SEMG1: variants seen among roughly 807,000 people sequenced by gnomAD.
SEMG1 encodes semenogelin-1.
A neutral mutation model predicts 8.8 loss-of-function variants in SEMG1; 6 were observed. The observed-to-expected ratio is 0.68, with a 90% CI of 0.37 to 1.35. The LOEUF (loss-of-function observed/expected upper bound fraction) is 1.35, where lower values mean the gene tolerates loss of function less well. Ranked by LOEUF, SEMG1 falls within the 40% of genes most tolerant of loss-of-function variation. The pLI is 0.02. For missense variants in SEMG1, 580 were observed against 533.6 expected, an observed-to-expected ratio of 1.09 and a Z score of -0.86; for synonymous variants, 221 against 190.3, an observed-to-expected ratio of 1.16 and a Z score of -1.33.
chr20:45,208,665 C>G lies in SEMG1; in HGVS notation c.1368C>G (p.Asp456Glu), dbSNP rs778909642. 8.7e-6 allele frequency: 14 copies of G among 1,608,066 alleles called. No individual in the cohort carries two copies. The highest frequency in any genetic ancestry group is 4.0e-5 in the African/African-American group (3 of 74,672). ...DRHLAQHLNN[D>E]RNPLFT The stretch of plus-strand genomic sequence containing the variant: ...ATTTGGCACAACATCTTAACAACGA[C>G]CGAAACCCATTATTTACATAAACCT... The change falls in exon 2 of 3, where the codon GAC becomes GAG. Residue 456 changes from aspartate (D) to glutamate (E), a missense_variant. Physicochemically the swap from Asp to Glu is conservative, Grantham distance 45 (BLOSUM62 2). Transcript: ENST00000372781.
At position 45,208,709 on chromosome 20, in the gene SEMG1, G is replaced by C. The variant is rs1271298552; in HGVS notation, c.*23G>C. On this transcript the variant is annotated 3_prime_UTR_variant, in exon 2 of 3. Transcript: ENST00000372781. ...TAAACCTACCATTCGGTAACCATGT[G>C]AAAGGATGGACCAATATCAAGGTAA... 7.3e-6 allele frequency: 11 copies of C among 1,516,018 alleles called. No homozygotes were observed. Among genetic ancestry groups the C allele is most frequent in the Non-Finnish European group, 9.9e-6 (11 of 1,108,936 alleles). The allele number at this position is 1,516,018 out of a possible 1,614,324, so 93.9% of individuals were successfully genotyped here.
rs1037751955 is a variant in SEMG1, at chr20:45,208,312, C to A, written c.1015C>A (p.His339Asn). The change falls in exon 2 of 3, where the codon CAT (histidine) becomes AAT (asparagine). Residue 339 changes from histidine (H) to asparagine (N), a missense_variant. Coordinates refer to ENST00000372781, the MANE Select transcript of SEMG1 (RefSeq NM_003007.5). ...AACAATTCCCAGTCAAGAGCAAGAG[C>A]ATAGCCAAAAGGCAAATAAAATATC... ...QITIPSQEQEHSQKANKISYQ... is the reference protein window; with the variant it reads ...QITIPSQEQENSQKANKISYQ... 6.2e-7 allele frequency: 1 copy of A among 1,610,822 alleles called. No individual in the cohort carries two copies. Among genetic ancestry groups the A allele is most frequent in the African/African-American group, 1.3e-5 (1 of 74,666 alleles).
intron 1 of SEMG1, 73 bp from the exon 2 acceptor site, chr20:45,207,301 A>G: frequency 6.9e-7 from 1 of 1,443,922 alleles, no homozygotes; most frequent in Non-Finnish European, 9.4e-7. Context: ...TTGTTGGGGG[A>G]AAAGTGGGGG....
In SEMG1 at chr20:45,208,444, G is replaced by T; in HGVS notation, c.1147G>T (p.Ala383Ser). 3.1e-6 allele frequency: 5 copies of T among 1,613,990 alleles called. No homozygotes were observed. Among genetic ancestry groups the T allele is most frequent in the Non-Finnish European group, 4.2e-6 (5 of 1,179,954 alleles). The change falls in exon 2 of 3, where the codon GCA (alanine) becomes TCA (serine). Residue 383 changes from alanine (A) to serine (S), a missense_variant. Physicochemically the swap from Ala to Ser is moderately conservative, Grantham distance 99 (BLOSUM62 1). Transcript: ENST00000372781. ...TTATAGCCAAACTGAAAAGCTAGTA[G>T]CAGGCAAGTCTCAAATCCAGGCACC... ...SIYSQTEKLV[A>S]GKSQIQAPNP...
intron 2 of SEMG1, 37 bp from the exon 3 acceptor site, chr20:45,209,564 C>G (rs1983797818): frequency 6.6e-6 from 1 of 152,230 alleles, no homozygotes; most frequent in Non-Finnish European, 1.5e-5. Context: ...TCACTTTTTA[C>G]TATACTCACA....
chr20:45,207,500 C>T lies in SEMG1; in HGVS notation c.203C>T (p.Thr68Ile). The T allele has an allele frequency of 6.2e-7, 1 of 1,613,832 alleles. No individual in the cohort carries two copies. The highest frequency in any genetic ancestry group is 8.5e-7 in the Non-Finnish European group (1 of 1,179,792). ...ESKGSFSIQY[T>I]YHVDANDHDQ... ...AAAGGCAGTTTTTCTATTCAATACACATATCATGTAGATGCCAATGATCAT... is the reference window on the plus strand; with the variant it reads ...AAAGGCAGTTTTTCTATTCAATACATATATCATGTAGATGCCAATGATCAT... The change falls in exon 2 of 3, where the codon ACA becomes ATA. Residue 68 changes from threonine to isoleucine, a missense_variant. Physicochemically the swap from Thr to Ile is moderately conservative, Grantham distance 89. Transcript: ENST00000372781.
At position 45,208,207 on chromosome 20, in the gene SEMG1, G is replaced by A; in HGVS notation, c.910G>A (p.Gly304Ser). ...EERRLHYGEN[G>S]VQKDVSQSSI... Reference sequence around the variant, plus strand: ...AAGACGACTCCACTATGGAGAAAATGGTGTGCAGAAAGATGTATCCCAAAG... The same window carrying A: ...AAGACGACTCCACTATGGAGAAAATAGTGTGCAGAAAGATGTATCCCAAAG... Residue 304 changes from glycine to serine, a missense_variant, in exon 2 of 3, where the codon GGT becomes AGT. By Grantham distance (56) the Gly-to-Ser change is moderately conservative. Transcript: ENST00000372781. 7 of 1,613,326 alleles carry A rather than the reference G, an allele frequency of 4.3e-6. No individual in the cohort carries two copies. Among genetic ancestry groups the A allele is most frequent in the Non-Finnish European group, 5.9e-6 (7 of 1,179,634 alleles).
In SEMG1 at chr20:45,207,977, G is replaced by A; in HGVS notation, c.680G>A (p.Arg227Lys). The change falls in exon 2 of 3, where the codon AGA (arginine) becomes AAA (lysine). Residue 227 changes from arginine to lysine, a missense_variant. Arg to Lys is a conservative substitution (Grantham distance 26, BLOSUM62 2). Transcript: ENST00000372781. ...CATTACCAAAATGTGGTTGAAGTGA[G>A]AGAGGAACATTCAAGTAAAGTACAA... Reference protein sequence around the residue: ...KGHYQNVVEVREEHSSKVQTS... With the variant: ...KGHYQNVVEVKEEHSSKVQTS... 6.2e-7 allele frequency: 1 copy of A among 1,614,014 alleles called. No homozygotes were observed. The highest frequency in any genetic ancestry group is 8.5e-7 in the Non-Finnish European group (1 of 1,179,966).
In SEMG1 at chr20:45,207,601, G is replaced by A; in HGVS notation, c.304G>A (p.Gly102Arg). The A allele has an allele frequency of 6.2e-7, 1 of 1,613,532 alleles. No individual in the cohort carries two copies. The highest frequency in any genetic ancestry group is 8.5e-7 in the Non-Finnish European group (1 of 1,179,754). ...GACAAAATCACAACGACATCTAGGTGGAAGTCAACAACTGCTCCATAATAA... is the reference window on the plus strand; with the variant it reads ...GACAAAATCACAACGACATCTAGGTAGAAGTCAACAACTGCTCCATAATAA... ...KTTKSQRHLG[G>R]SQQLLHNKQE... is the part of the protein sequence containing the mutation. The change falls in exon 2 of 3, where the codon GGA (glycine) becomes AGA (arginine). Residue 102 changes from glycine to arginine, a missense_variant. Physicochemically the swap from Gly to Arg is moderately radical, Grantham distance 125. Coordinates refer to ENST00000372781, the MANE Select transcript of SEMG1 (RefSeq NM_003007.5).
In SEMG1 at chr20:45,207,819, A is replaced by G; in HGVS notation, c.522A>G (p.Glu174=). 6.2e-7 allele frequency: 1 copy of G among 1,614,056 alleles called. No homozygotes were observed. Among genetic ancestry groups the G allele is most frequent in the South Asian group, 1.1e-5 (1 of 91,072 alleles). Residue 174 remains glutamate, a synonymous_variant, in exon 2 of 3, where the codon GAA becomes GAG. Coordinates refer to ENST00000372781, the MANE Select transcript of SEMG1 (RefSeq NM_003007.5). ...TGTGGGTTCATGGACTAAGTAAAGA[A>G]CAAACTTCCGTCTCTGGTGCACAAA... The part of the protein sequence containing the change: ...ERLWVHGLSK[E]QTSVSGAQKG...
In SEMG1 at chr20:45,207,875, GT is replaced by G. The variant is rs1404263304; in HGVS notation, c.580del (p.Tyr194MetfsTer8). 1.1e-5 allele frequency: 17 copies of G among 1,613,908 alleles called. No individual in the cohort carries two copies. The highest frequency in any genetic ancestry group is 1.4e-5 in the Non-Finnish European group (17 of 1,179,972). ...KGRKQGGSQS[S>X]YVLQTEELVA... Reference sequence around the variant, plus strand: ...AGAAAACAAGGCGGATCCCAAAGCAGTTATGTTCTCCAAACTGAAGAGCTAG... The same window carrying G: ...AGAAAACAAGGCGGATCCCAAAGCAGTATGTTCTCCAAACTGAAGAGCTAG... On this transcript the variant is annotated frameshift_variant, in exon 2 of 3. Coordinates refer to ENST00000372781, the MANE Select transcript of SEMG1 (RefSeq NM_003007.5). LOFTEE classifies it low-confidence loss of function (END_TRUNC).
Position 45,208,074 on chromosome 20 carries a change from G to T in SEMG1, c.777G>T (p.Glu259Asp), listed in dbSNP as rs773224921. 47 of 1,613,666 alleles carry T rather than the reference G, an allele frequency of 2.9e-5. No individual in the cohort carries two copies. The highest frequency in any genetic ancestry group is 3.8e-5 in the Non-Finnish European group (45 of 1,179,920). The stretch of plus-strand genomic sequence containing the variant: ...AAGACATTTTTTCTACCCAAGATGA[G>T]CTCCTAGTATATAACAAGAATCAAC... ...GSKDIFSTQD[E>D]LLVYNKNQHQ... Residue 259 changes from glutamate to aspartate, a missense_variant, in exon 2 of 3, where the codon GAG becomes GAT. Coordinates refer to ENST00000372781, the MANE Select transcript of SEMG1 (RefSeq NM_003007.5).
Position 45,207,985 on chromosome 20 carries a change from C to G in SEMG1, c.688C>G (p.His230Asp). The G allele has an allele frequency of 6.2e-7, 1 of 1,613,914 alleles. No homozygotes were observed. Among genetic ancestry groups the G allele is most frequent in the Non-Finnish European group, 8.5e-7 (1 of 1,179,920 alleles). ...AAATGTGGTTGAAGTGAGAGAGGAA[C>G]ATTCAAGTAAAGTACAAACCTCACT... ...YQNVVEVREE[H>D]SSKVQTSLCP... The change falls in exon 2 of 3, where the codon CAT becomes GAT. Residue 230 changes from histidine (H) to aspartate (D), a missense_variant. Physicochemically the swap from His to Asp is moderately conservative, Grantham distance 81. Coordinates refer to ENST00000372781, the MANE Select transcript of SEMG1 (RefSeq NM_003007.5).
rs1983719203 is a variant in SEMG1 at position 45,207,465 on chromosome 20, A to T, written c.168A>T (p.Gln56His). 6.2e-7 allele frequency: 1 copy of T among 1,613,812 alleles called. No individual in the cohort carries two copies. The highest frequency in any genetic ancestry group is 8.5e-7 in the Non-Finnish European group (1 of 1,179,844). Reference sequence around the variant, plus strand: ...ATTCTGGACAAAAAGGCAAGCAACAAACTGAATCCAAAGGCAGTTTTTCTA... The same window carrying T: ...ATTCTGGACAAAAAGGCAAGCAACATACTGAATCCAAAGGCAGTTTTTCTA... ...QHYSGQKGKQ[Q>H]TESKGSFSIQ... The change falls in exon 2 of 3, where the codon CAA becomes CAT. Residue 56 changes from glutamine to histidine, a missense_variant. Transcript: ENST00000372781.
chr20:45,207,506 A>T lies in SEMG1; in HGVS notation c.209A>T (p.His70Leu). The part of the protein sequence containing the change: ...KGSFSIQYTY[H>L]VDANDHDQSR... ...AGTTTTTCTATTCAATACACATATC[A>T]TGTAGATGCCAATGATCATGACCAG... Residue 70 changes from histidine (H) to leucine (L), a missense_variant, in exon 2 of 3, where the codon CAT becomes CTT. His to Leu is a moderately conservative substitution (Grantham distance 99, BLOSUM62 -3). Coordinates refer to ENST00000372781, the MANE Select transcript of SEMG1 (RefSeq NM_003007.5). 6.2e-7 allele frequency: 1 copy of T among 1,613,742 alleles called. No homozygotes were observed. The highest frequency in any genetic ancestry group is 8.5e-7 in the Non-Finnish European group (1 of 1,179,678).
At position 45,207,760 on chromosome 20, in the gene SEMG1, A is replaced by T. The variant is rs141516683; in HGVS notation, c.463A>T (p.Ile155Leu). The change falls in exon 2 of 3, where the codon ATA (isoleucine) becomes TTA (leucine). Residue 155 changes from isoleucine (I) to leucine (L), a missense_variant. Coordinates refer to ENST00000372781, the MANE Select transcript of SEMG1 (RefSeq NM_003007.5). ...GGGGAATAGCCCATCTGGAAAGGGA[A>T]TATCCAGTCAATATTCAAACACAGA... The part of the protein sequence containing the change: ...DQGNSPSGKG[I>L]SSQYSNTEER... The T allele has an allele frequency of 1.9e-5, 31 of 1,614,026 alleles. No individual in the cohort carries two copies. The African/African-American group carries it at 3.5e-4, about 18-fold the overall frequency.
chr20:45,207,108 G>A lies in SEMG1; in HGVS notation c.55G>A (p.Ala19Thr). ...CCTGCTCCTCATCTTGGAGAAGCAAGCAGCTGTGATGGGACAAAAAGGTGA... is the reference window on the plus strand; with the variant it reads ...CCTGCTCCTCATCTTGGAGAAGCAAACAGCTGTGATGGGACAAAAAGGTGA... The part of the protein sequence containing the change: ...LSLLLILEKQ[A>T]AVMGQKGGSK... The change falls in exon 1 of 3, where the codon GCA becomes ACA. Residue 19 changes from alanine (A) to threonine (T), a missense_variant. Transcript: ENST00000372781. The A allele has an allele frequency of 6.2e-7, 1 of 1,613,844 alleles. No individual in the cohort carries two copies. The highest frequency in any genetic ancestry group is 8.5e-7 in the Non-Finnish European group (1 of 1,179,802).
rs899274613 is a variant in SEMG1 at position 45,209,589 on chromosome 20, C to T, written c.*45-12C>T. ...CTATACTCACATCACTGATTCTCTTCTTTCTCTCTAGGTGTCAGTTGACCT... is the reference window on the plus strand; with the variant it reads ...CTATACTCACATCACTGATTCTCTTTTTTCTCTCTAGGTGTCAGTTGACCT... On this transcript the variant is annotated splice_polypyrimidine_tract_variant and intron_variant, in intron 2 of 2. Transcript: ENST00000372781. The T allele has an allele frequency of 9.8e-5, 15 of 152,322 alleles. No homozygotes were observed. The highest frequency in any genetic ancestry group is 3.1e-4 in the African/African-American group (13 of 41,544). 9.4% of individuals were successfully genotyped at this position (152,322 alleles called of 1,614,324 possible).
At position 45,208,264 on chromosome 20, in the gene SEMG1, C is replaced by T. The variant is rs1338029052; in HGVS notation, c.967C>T (p.Gln323Ter). The change falls in exon 2 of 3, where the codon CAG becomes TAG. Residue 323 changes from glutamine to a stop codon, truncating the protein, a stop_gained. Coordinates refer to ENST00000372781, the MANE Select transcript of SEMG1 (RefSeq NM_003007.5). LOFTEE classifies it low-confidence loss of function (END_TRUNC). The stretch of plus-strand genomic sequence containing the variant: ...TTATAGCCAAACTGAAGAGAAAGCA[C>T]AGGGCAAGTCTCAAAAACAGATAAC... ...SIYSQTEEKA[Q>*]GKSQKQITIP... is the part of the protein sequence containing the mutation. 6.2e-7 allele frequency: 1 copy of T among 1,602,072 alleles called. No individual in the cohort carries two copies. The highest frequency in any genetic ancestry group is 8.5e-7 in the Non-Finnish European group (1 of 1,175,272).
Sources: gnomAD v4.1 joint callset for allele counts on GRCh38, gnomAD v4.1.1 for gene constraint, MANE v1.5 for transcripts, NCBI Gene and HGNC (gene_info 2026-07-23, HGNC 2026-07-21) for gene names.